The following OPCML variants were observed in gnomAD, a reference collection of about 807,000 sequenced individuals.
OPCML encodes opioid binding protein/cell adhesion molecule like, also known as opioid-binding protein/cell adhesion molecule.
Under a neutral mutation model 37.8 loss-of-function variants are expected in OPCML, and 13 were observed. The observed-to-expected ratio is 0.34, with a 90% CI of 0.22 to 0.55. The LOEUF is 0.55. Ranked by LOEUF, OPCML falls within the 20% of genes least tolerant of loss-of-function variation. OPCML has a pLI of 0.91. For missense variants in OPCML, 341 were observed against 435.6 expected (o/e 0.78, Z 1.93); for synonymous variants, 176 against 168.8 (o/e 1.04, Z -0.33).
chr11:132,753,374 A>G lies in OPCML; in HGVS notation c.147-96055T>C, dbSNP rs1477164711. On this transcript the variant is annotated intron_variant, in intron 2 of 7. Coordinates refer to ENST00000524381, the MANE Select transcript of OPCML (RefSeq NM_001012393.5). The stretch of plus-strand genomic sequence containing the variant: ...TGAATTATGAGAGTTGCGAAGTCCA[A>G]GAACAATATACTAGGAGAGTGCTGA... Among the ~76,000 whole-genome samples, 4 of 152,354 alleles carry G rather than the reference A, an allele frequency of 2.6e-5. No homozygotes were observed. In the East Asian group the frequency reaches 7.7e-4, roughly 29 times the overall value.
chr11:132,475,144 C>A (rs1296239194), intron 4 of OPCML, among the ~76,000 whole-genome samples: 1 of 152,104 alleles, frequency 6.6e-6, no homozygotes, highest in Admixed American at 6.5e-5. Flanking sequence ...TTGGAGAGTT[C>A]TTTATGAAAG....
chr11:132,904,852 G>T (rs143949631), intron 2 of OPCML, among the ~76,000 whole-genome samples: 1 of 152,168 alleles, frequency 6.6e-6, no homozygotes, highest in Non-Finnish European at 1.5e-5. Context: ...TTCAGAGGTC[G>T]TGAGTTTGTT....
chr11:133,005,356 CACAT>C, intron 1 of OPCML: 1 of 985,408 alleles, frequency 1.0e-6, no homozygotes, highest in Non-Finnish European at 1.2e-6. Flanking sequence ...GTGATGTAGA[CACAT>C]ACAGCAAATG....
At chr11:133,404,596 G>A (rs950598838) in intron 1 of OPCML, among the ~76,000 whole-genome samples, 9 of 152,214 alleles carry the variant, frequency 5.9e-5, no homozygotes, top group African/African-American at 1.9e-4. Context: ...TAACCACTAC[G>A]CCACACTGCC....
intron 1 of OPCML, among the ~76,000 whole-genome samples, chr11:133,465,969 G>A (rs75704304): frequency 0.031 from 4,676 of 152,212 alleles, 184 homozygotes; most frequent in East Asian, 0.094. Context: ...TTATGCATTT[G>A]TTTAGCTACA....
At chr11:132,747,363 G>A (rs1369161316) in intron 2 of OPCML, among the ~76,000 whole-genome samples, 1 of 152,200 alleles carries the variant, frequency 6.6e-6, no homozygotes, top group Non-Finnish European at 1.5e-5. Context: ...TGACAAAGAA[G>A]AGTGGCAGAT....
intron 4 of OPCML, among the ~76,000 whole-genome samples, chr11:132,485,099 A>G (rs1295655057): frequency 4.6e-5 from 4 of 86,644 alleles, no homozygotes; most frequent in Admixed American, 2.8e-4. Context: ...AAAATAAAAT[A>G]AAAAAGAATT....
chr11:132,746,858 A>G (rs1443059754), intron 2 of OPCML, among the ~76,000 whole-genome samples: 1 of 152,164 alleles, frequency 6.6e-6, no homozygotes, highest in Non-Finnish European at 1.5e-5. Context: ...GAGTGGCTCA[A>G]GCCCTGTGGT....
Position 133,489,667 on chromosome 11 carries a change from A to G in OPCML, c.61+42597T>C, listed in dbSNP as rs1947610502. Reference sequence around the variant, plus strand: ...ACAAAATAGAACTACCATTCAATCCATCAACCCCACTACTGGCTATCTACC... The same window carrying G: ...ACAAAATAGAACTACCATTCAATCCGTCAACCCCACTACTGGCTATCTACC... On this transcript the variant is annotated intron_variant, in intron 1 of 7. Transcript: ENST00000524381. Among the ~76,000 whole-genome samples, 3 of 152,128 alleles carry G rather than the reference A, an allele frequency of 2.0e-5. No homozygotes were observed. In the South Asian group the frequency reaches 6.2e-4, roughly 31 times the overall value.
chr11:132,898,659 A>T (rs1437850789), intron 2 of OPCML, among the ~76,000 whole-genome samples: 1 of 152,208 alleles, frequency 6.6e-6, no homozygotes, highest in Non-Finnish European at 1.5e-5. Context: ...ACATGGAGTC[A>T]GGAATCACAG....
chr11:133,380,230 G>T (rs185094998), intron 1 of OPCML, among the ~76,000 whole-genome samples: 1 of 152,276 alleles, frequency 6.6e-6, no homozygotes, highest in East Asian at 1.9e-4. Context: ...ATCTGGAAGG[G>T]TTTAAAGAGG....
intron 1 of OPCML, among the ~76,000 whole-genome samples, chr11:133,081,216 G>A (rs1330398862): frequency 1.3e-5 from 2 of 152,100 alleles, no homozygotes; most frequent in Non-Finnish European, 2.9e-5. Context: ...TACAGGACTT[G>A]GTGCTTCCAT....
At chr11:132,888,471 C>T (rs1053033374) in intron 2 of OPCML, among the ~76,000 whole-genome samples, 5 of 150,788 alleles carry the variant, frequency 3.3e-5, no homozygotes, top group African/African-American at 1.2e-4. Flanking sequence ...CCTGTGCCTG[C>T]CTTACTTTCC....
chr11:132,960,096 T>G (rs1010945324), intron 1 of OPCML, among the ~76,000 whole-genome samples: 1 of 152,118 alleles, frequency 6.6e-6, no homozygotes, highest in Non-Finnish European at 1.5e-5. Context: ...AATTTAAAAT[T>G]TACTACTCCT....
intron 2 of OPCML, among the ~76,000 whole-genome samples, chr11:132,851,130 T>A (rs1565909965): frequency 6.6e-6 from 1 of 152,226 alleles, no homozygotes; most frequent in East Asian, 1.9e-4. Flanking sequence ...TGCCTGTGAC[T>A]TTATCAGTGA....
rs118064291 is a variant in OPCML at position 133,018,302 on chromosome 11, T to A, written c.62-75292A>T. On this transcript the variant is annotated intron_variant, in intron 1 of 7. Transcript: ENST00000524381. ...TGGGGCCAAAAATGGATGCAGAAGATAGAAAGTGCAGTATATATGTATGTA... is the reference window on the plus strand; with the variant it reads ...TGGGGCCAAAAATGGATGCAGAAGAAAGAAAGTGCAGTATATATGTATGTA... Among the ~76,000 whole-genome samples, 247 of 152,068 alleles carry A rather than the reference T, an allele frequency of 1.6e-3. 1 individual carries two copies. The highest frequency in any genetic ancestry group is 2.6e-3 in the Non-Finnish European group (175 of 67,982).
intron 1 of OPCML, among the ~76,000 whole-genome samples, chr11:133,303,764 C>T (rs1435873331): frequency 1.3e-5 from 2 of 150,802 alleles, no homozygotes; most frequent in Non-Finnish European, 3.0e-5. Context: ...ATGATGAGAA[C>T]TCCAGAAAGT....
chr11:133,181,508 T>A (rs1474758893), intron 1 of OPCML, among the ~76,000 whole-genome samples: 1 of 152,106 alleles, frequency 6.6e-6, no homozygotes, highest in Non-Finnish European at 1.5e-5. Context: ...CCTTTCTCCA[T>A]CTATTATACT....
At chr11:133,361,672 G>A (rs1325452591) in intron 1 of OPCML, 5 of 157,776 alleles carry the variant, frequency 3.2e-5, no homozygotes, top group Non-Finnish European at 7.0e-5. Context: ...CAGCTACTCC[G>A]GGGCACCGCC....
Sources: allele counts gnomAD v4.1 joint callset (sites outside exome capture counted in the v4.1 genomes callset), GRCh38; gene constraint gnomAD v4.1.1; transcripts MANE v1.5; gene names NCBI Gene and HGNC (gene_info 2026-07-23, HGNC 2026-07-21).